CHRNA7: variants seen among roughly 807,000 people sequenced by gnomAD.
CHRNA7 encodes cholinergic receptor nicotinic alpha 7 subunit.
In CHRNA7, 17 loss-of-function variants were observed where a neutral mutation model predicts 48.0. The ratio of observed to expected loss-of-function variants is 0.35; its 90% CI spans 0.24 to 0.53. The LOEUF is 0.53. CHRNA7 is among the 20% of genes least tolerant of loss of function. The pLI is 0.92. For synonymous variants in CHRNA7, 75 were observed against 242.3 expected (o/e 0.31, Z 6.41); for missense variants, 155 against 577.7 (o/e 0.27, Z 7.50).
At chr15:32,101,996 A>C (rs2141262025) in intron 3 of CHRNA7, 1 of 152,262 alleles carries the variant, frequency 6.6e-6, no homozygotes, top group South Asian at 2.1e-4. Context: ...CATATGAACA[A>C]GCCTTTTTTT....
At chr15:32,091,454 T>C (rs186708143) in intron 2 of CHRNA7, among the ~76,000 whole-genome samples, 1 of 152,320 alleles carries the variant, frequency 6.6e-6, no homozygotes, top group African/African-American at 2.4e-5. Context: ...GCTAATGCCA[T>C]GACTTGCAAA....
At chr15:32,038,101 A>G (rs1293758040) in intron 2 of CHRNA7, among the ~76,000 whole-genome samples, 1 of 145,788 alleles carries the variant, frequency 6.9e-6, no homozygotes, top group East Asian at 1.9e-4. Flanking sequence ...CATTTTGTGT[A>G]TATGTAAAAT....
chr15:32,131,374 T>A (rs2051154279), intron 4 of CHRNA7, among the ~76,000 whole-genome samples: 2 of 152,140 alleles, frequency 1.3e-5, no homozygotes. Context: ...TTCTTTTTTT[T>A]GGTCTATTTT....
At chr15:32,101,227 C>T (rs984424845) in intron 2 of CHRNA7, 76 bp from the exon 3 acceptor site, 8 of 1,479,962 alleles carry the variant, frequency 5.4e-6, no homozygotes, top group East Asian at 4.5e-5. Context: ...AGTCAGATCC[C>T]CATGTGAATA....
chr15:32,096,124 T>C (rs1018559400), intron 2 of CHRNA7, among the ~76,000 whole-genome samples: 8 of 152,214 alleles, frequency 5.3e-5, no homozygotes, highest in Non-Finnish European at 7.3e-5. Flanking sequence ...CATTATTAAA[T>C]GAGAAAAATA....
At chr15:32,049,392 A>G (rs921997000) in intron 2 of CHRNA7, among the ~76,000 whole-genome samples, 10 of 152,212 alleles carry the variant, frequency 6.6e-5, no homozygotes, top group Admixed American at 5.9e-4. Context: ...TCCCTTTACC[A>G]TTATGTAATG....
chr15:32,033,743 A>T (rs1202853009), intron 2 of CHRNA7, among the ~76,000 whole-genome samples: 3 of 152,178 alleles, frequency 2.0e-5, no homozygotes, highest in African/African-American at 7.2e-5. Flanking sequence ...CGTGTGGCAA[A>T]ATCTTGGCTG....
chr15:32,135,624 G>A (rs1468458177), intron 4 of CHRNA7, among the ~76,000 whole-genome samples: 1 of 152,136 alleles, frequency 6.6e-6, no homozygotes, highest in Non-Finnish European at 1.5e-5. Context: ...GTTTTCCATT[G>A]AAATACAATG....
intron 5 of CHRNA7, among the ~76,000 whole-genome samples, chr15:32,154,871 T>A (rs1406539449): frequency 6.8e-3 from 1 of 148 alleles, no homozygotes. Flanking sequence ...CACACACCAC[T>A]CACACACATC....
At chr15:32,065,433 T>C (rs914563389) in intron 2 of CHRNA7, among the ~76,000 whole-genome samples, 1 of 152,240 alleles carries the variant, frequency 6.6e-6, no homozygotes, top group Non-Finnish European at 1.5e-5. Flanking sequence ...CTAGAAAGCC[T>C]TTTCCCTGGG....
intron 2 of CHRNA7, among the ~76,000 whole-genome samples, chr15:32,073,042 G>C (rs1017972117): frequency 3.9e-5 from 6 of 152,332 alleles, no homozygotes; most frequent in Middle Eastern, 3.4e-3. Context: ...ACCCATGAAT[G>C]GTAGAGCCAC....
At chr15:32,074,853 C>CACA (rs1358234391) in intron 2 of CHRNA7, among the ~76,000 whole-genome samples, 1 of 151,808 alleles carries the variant, frequency 6.6e-6, no homozygotes, top group African/African-American at 2.4e-5. Flanking sequence ...TTCACCATGT[C>CACA]GGCCAGCCTA....
At chr15:32,142,349 A>C (rs1473275175) in intron 4 of CHRNA7, among the ~76,000 whole-genome samples, 1 of 152,174 alleles carries the variant, frequency 6.6e-6, no homozygotes, top group Non-Finnish European at 1.5e-5. Flanking sequence ...TTTTTGCATC[A>C]ATGCTCCTCA....
chr15:32,036,788 TTC>T (rs1491014852), intron 2 of CHRNA7, among the ~76,000 whole-genome samples: 1 of 151,648 alleles, frequency 6.6e-6, no homozygotes, highest in African/African-American at 2.4e-5. Flanking sequence ...TTTTTTTTTT[TTC>T]TTATTTCTGA....
chr15:32,045,750 G>A (rs1400472258), intron 2 of CHRNA7, among the ~76,000 whole-genome samples: 1 of 151,222 alleles, frequency 6.6e-6, no homozygotes, highest in Admixed American at 6.6e-5. Flanking sequence ...CATGTGCCAT[G>A]CTGGTGTGCT....
chr15:32,096,955 T>C (rs987171755), intron 2 of CHRNA7, among the ~76,000 whole-genome samples: 1 of 152,132 alleles, frequency 6.6e-6, no homozygotes, highest in African/African-American at 2.4e-5. Flanking sequence ...CCCTGCCTCC[T>C]CCTGTCTTCA....
chr15:32,037,168 A>C (rs1267364807), intron 2 of CHRNA7, among the ~76,000 whole-genome samples: 1 of 152,132 alleles, frequency 6.6e-6, no homozygotes, highest in Non-Finnish European at 1.5e-5. Context: ...TTGTTGTAGC[A>C]CCATTTGTTG....
chr15:32,152,153 C>T (rs577221593), intron 4 of CHRNA7, among the ~76,000 whole-genome samples: 1 of 152,260 alleles, frequency 6.6e-6, no homozygotes, highest in African/African-American at 2.4e-5. Context: ...TTCTTAGAAG[C>T]AGAAGGACAG....
chr15:32,055,148 G>A (rs1193622466), intron 2 of CHRNA7, among the ~76,000 whole-genome samples: 1 of 152,030 alleles, frequency 6.6e-6, no homozygotes, highest in African/African-American at 2.4e-5. Flanking sequence ...TAAGGTTGAG[G>A]AGATTTTCAT....
Sources: gnomAD v4.1 joint callset for allele counts (sites outside exome capture counted in the v4.1 genomes callset) on GRCh38, gnomAD v4.1.1 for gene constraint, MANE v1.5 for transcripts, NCBI Gene and HGNC (gene_info 2026-07-23, HGNC 2026-07-21) for gene names.